Variants in PLSCR2 observed in about 807,000 individuals in gnomAD.
PLSCR2 encodes the protein PL scramblase 2.
A neutral mutation model predicts 25.3 loss-of-function variants in PLSCR2; 18 were observed. That is an observed-to-expected ratio of 0.71 (90% CI 0.49 to 1.06). The LOEUF is 1.06. Among genes scored for constraint, PLSCR2 ranks in the 50% least tolerant of loss-of-function variants. The pLI is 0.00. For missense variants in PLSCR2, 243 were observed against 269.5 expected (o/e 0.90, Z 0.69); for synonymous variants, 88 against 87.3 (o/e 1.01, Z -0.04).
At chr3:146,448,696 A>C (rs892853333) in intron 6 of PLSCR2, among the ~76,000 whole-genome samples, 1 of 152,252 alleles carries the variant, frequency 6.6e-6, no homozygotes, top group African/African-American at 2.4e-5. Flanking sequence ...GTTTTAAAAA[A>C]GTTTCTAGAT....
intron 1 of PLSCR2, among the ~76,000 whole-genome samples, chr3:146,484,603 C>T (rs1292024584): frequency 1.3e-5 from 2 of 152,014 alleles, no homozygotes; most frequent in African/African-American, 2.4e-5. Context: ...CAAGAGAAAC[C>T]CTATAAGCCA....
upstream of PLSCR2, among the ~76,000 whole-genome samples, chr3:146,464,858 G>C (rs2041790870): frequency 6.6e-6 from 1 of 152,182 alleles, no homozygotes. Context: ...AAATAGCACA[G>C]AGGATTTCCA....
At chr3:146,418,961 C>T (rs568447429) in intron 2 of PLSCR2, among the ~76,000 whole-genome samples, 6 of 152,070 alleles carry the variant, frequency 3.9e-5, no homozygotes, top group Admixed American at 2.0e-4. Flanking sequence ...AAAGGTTGTC[C>T]AGCCATTCCC....
At chr3:146,456,382 AC>A (rs1383518465) in intron 3 of PLSCR2, among the ~76,000 whole-genome samples, 7 of 152,160 alleles carry the variant, frequency 4.6e-5, no homozygotes, top group Non-Finnish European at 1.0e-4. Flanking sequence ...CTACGGTGGG[AC>A]TCAAACAAGG....
intron 8 of PLSCR2, among the ~76,000 whole-genome samples, chr3:146,434,446 T>C (rs1037656454): frequency 2.2e-4 from 34 of 151,896 alleles, no homozygotes; most frequent in African/African-American, 7.8e-4. Context: ...AGTCCAATTG[T>C]AGGGAATTGT....
downstream of PLSCR2, among the ~76,000 whole-genome samples, chr3:146,431,662 T>C (rs961900632): frequency 6.6e-6 from 1 of 152,152 alleles, no homozygotes; most frequent in Non-Finnish European, 1.5e-5. Context: ...ACAGATTATC[T>C]CCAAGGAGCA....
At chr3:146,495,391 T>C (rs543326192) in intron 1 of PLSCR2, among the ~76,000 whole-genome samples, 32 of 152,338 alleles carry the variant, frequency 2.1e-4, no homozygotes, top group Non-Finnish European at 4.4e-4. Flanking sequence ...AAGTAATAAA[T>C]TCTGAATACT....
In PLSCR2 at chr3:146,493,489, C is replaced by T. The variant is rs370009209; in HGVS notation, c.-293+2406G>A. On this transcript the variant is annotated intron_variant, in intron 1 of 8. Transcript: ENST00000336685. ...AGATTGGTTCAGCATATGCAATTCA[C>T]GAAATGTGATTCATCACATAAACAG... Among the ~76,000 whole-genome samples, 67 of 152,186 alleles carry T rather than the reference C, an allele frequency of 4.4e-4. 1 individual carries two copies. The highest frequency in any genetic ancestry group is 1.4e-3 in the South Asian group (7 of 4,828).
At chr3:146,476,673 TC>T (rs1464576308) in intron 1 of PLSCR2, among the ~76,000 whole-genome samples, 1 of 152,170 alleles carries the variant, frequency 6.6e-6, no homozygotes, top group Non-Finnish European at 1.5e-5. Context: ...CCACTGTATT[TC>T]CCCGGCTGGT....
chr3:146,447,808 T>C (rs2903837), intron 6 of PLSCR2, among the ~76,000 whole-genome samples: 6,223 of 152,242 alleles, frequency 0.041, 177 homozygotes, highest in Admixed American at 0.087. Context: ...TTCAAGTTTA[T>C]TTAGAACCCC....
chr3:146,466,356 A>C (rs886638722), intron 1 of PLSCR2, among the ~76,000 whole-genome samples: 3 of 152,180 alleles, frequency 2.0e-5, no homozygotes, highest in Non-Finnish European at 4.4e-5. Flanking sequence ...TTCTTAGTAG[A>C]AACGGGATTT....
At chr3:146,465,588 AT>A (rs2041825889) in intron 1 of PLSCR2, among the ~76,000 whole-genome samples, 1 of 149,924 alleles carries the variant, frequency 6.7e-6, no homozygotes, top group Non-Finnish European at 1.5e-5. Flanking sequence ...AAAAAAAAAA[AT>A]CACAATATAA....
intron 3 of PLSCR2, among the ~76,000 whole-genome samples, chr3:146,456,446 CAA>C (rs2108375623): frequency 6.6e-6 from 1 of 152,110 alleles, no homozygotes; most frequent in Admixed American, 6.5e-5. Context: ...CTGCTGTAGA[CAA>C]AAGTTTGTGA....
At chr3:146,482,897 A>T (rs539149488) in intron 1 of PLSCR2, among the ~76,000 whole-genome samples, 1 of 152,308 alleles carries the variant, frequency 6.6e-6, no homozygotes, top group South Asian at 2.1e-4. Flanking sequence ...ATGCAGCCAT[A>T]AAAAATGATG....
intron 2 of PLSCR2, among the ~76,000 whole-genome samples, chr3:146,422,567 G>A (rs943474113): frequency 2.6e-5 from 4 of 151,966 alleles, no homozygotes; most frequent in African/African-American, 9.7e-5. Context: ...TGATGGAACT[G>A]GTTATACATG....
intron 2 of PLSCR2, among the ~76,000 whole-genome samples, chr3:146,404,651 C>T (rs994490586): frequency 6.6e-6 from 1 of 152,166 alleles, no homozygotes; most frequent in Non-Finnish European, 1.5e-5. Flanking sequence ...CATCTAGAGT[C>T]TCATCTGAAT....
At chr3:146,463,033 T>G (rs914466438), upstream of PLSCR2, among the ~76,000 whole-genome samples, 1 of 152,226 alleles carries the variant, frequency 6.6e-6, no homozygotes, top group Non-Finnish European at 1.5e-5. Flanking sequence ...GGCCCTGTCA[T>G]GCCAATCCTG....
intron 1 of PLSCR2, among the ~76,000 whole-genome samples, chr3:146,479,480 CA>C: frequency 6.6e-6 from 1 of 152,206 alleles, no homozygotes; most frequent in African/African-American, 2.4e-5. Flanking sequence ...CAACAAAGAT[CA>C]AAAGAGACAA....
chr3:146,478,083 A>G (rs892702379), intron 1 of PLSCR2, among the ~76,000 whole-genome samples: 6 of 152,184 alleles, frequency 3.9e-5, no homozygotes, highest in African/African-American at 1.4e-4. Context: ...AAGGACATCT[A>G]CACCAAAACC....
Sources: gnomAD v4.1 joint callset for allele counts (sites outside exome capture counted in the v4.1 genomes callset) on GRCh38, gnomAD v4.1.1 for gene constraint, MANE v1.5 for transcripts, NCBI Gene and HGNC (gene_info 2026-07-23, HGNC 2026-07-21) for gene names.